Variants in NUCB2 observed in about 807,000 individuals in gnomAD.
The protein encoded by NUCB2 is nucleobindin-2.
A neutral mutation model predicts 57.9 loss-of-function variants in NUCB2; 48 were observed. That is an observed-to-expected ratio of 0.83 (90% CI 0.66 to 1.05). The LOEUF is 1.05. NUCB2 is among the 50% of genes least tolerant of loss of function. The probability of loss-of-function intolerance (pLI) is 0.00; values close to 1 mark genes in which losing one functional copy is unlikely to be tolerated. For missense variants in NUCB2, 442 were observed against 476.2 expected (o/e 0.93, Z 0.67); for synonymous variants, 139 against 152.1 (o/e 0.91, Z 0.64).
In NUCB2 at chr11:17,285,341, G is replaced by A. The variant is rs533663756; in HGVS notation, c.-1+2398G>A. 2.0e-4 allele frequency among the ~76,000 whole-genome samples: 31 copies of A among 151,916 alleles called. No individual in the cohort carries two copies. In the South Asian group the frequency reaches 6.3e-3, roughly 31 times the overall value. ...TATAATCCCAGCACTTTGGGAGGCC[G>A]AGGCGGGCGGATCACGAGGTCAAGA... On this transcript the variant is annotated intron_variant, in intron 2 of 13. Transcript: ENST00000529010.
intron 5 of NUCB2, among the ~76,000 whole-genome samples, chr11:17,302,738 A>ATTT (rs374768656): frequency 1.5e-5 from 2 of 137,536 alleles, no homozygotes; most frequent in Non-Finnish European, 1.6e-5. Context: ...TGCCCTGCTA[A>ATTT]TTTTTTTTTT....
chr11:17,349,949 G>T (rs987675080), exon 3 of NUCB2: 1 of 152,174 alleles, frequency 6.6e-6, no homozygotes, highest in African/African-American at 2.4e-5. Context: ...CACCAATAAA[G>T]AACACAGAAA....
At chr11:17,302,797 T>C (rs1946969527) in intron 5 of NUCB2, among the ~76,000 whole-genome samples, 1 of 151,506 alleles carries the variant, frequency 6.6e-6, no homozygotes, top group Admixed American at 6.6e-5. Flanking sequence ...TGGAGTGCAG[T>C]GGCGTGATCT....
chr11:17,277,031 C>T (rs1364987334), intron 1 of NUCB2: 1 of 152,394 alleles, frequency 6.6e-6, no homozygotes, highest in Admixed American at 6.5e-5. Flanking sequence ...CCACTCGCAG[C>T]TGGGCACCCG....
chr11:17,317,015 C>A (rs1418228643), intron 11 of NUCB2, among the ~76,000 whole-genome samples: 1 of 152,100 alleles, frequency 6.6e-6, no homozygotes, highest in Non-Finnish European at 1.5e-5. Context: ...TGTTTCTTGA[C>A]TTTGGTGAAG....
chr11:17,331,356 A>G (rs1951387774), intron 13 of NUCB2, 56 bp from the exon 14 acceptor site: 2 of 1,059,370 alleles, frequency 1.9e-6, no homozygotes, highest in Non-Finnish European at 2.6e-6. Context: ...ATGAAGGAAC[A>G]TTTAGAATAA....
At chr11:17,325,198 C>A (rs1950524677) in intron 11 of NUCB2, among the ~76,000 whole-genome samples, 1 of 152,140 alleles carries the variant, frequency 6.6e-6, no homozygotes, top group Non-Finnish European at 1.5e-5. Context: ...TCTATTAGAT[C>A]CATTTGATCT....
At chr11:17,307,286 A>AAC (rs1947819737) in intron 5 of NUCB2, among the ~76,000 whole-genome samples, 4 of 151,932 alleles carry the variant, frequency 2.6e-5, no homozygotes, top group Admixed American at 6.6e-5. Flanking sequence ...AATGTCCCCT[A>AAC]ACACCATCCT....
intron 2 of NUCB2, chr11:17,283,516 G>A (rs1943097225): frequency 6.6e-6 from 1 of 152,188 alleles, no homozygotes; most frequent in Non-Finnish European, 1.5e-5. Context: ...AATTTGCCAT[G>A]GCAGAGATAT....
At chr11:17,322,587 C>T (rs1303531309) in intron 11 of NUCB2, among the ~76,000 whole-genome samples, 1 of 152,026 alleles carries the variant, frequency 6.6e-6, no homozygotes, top group African/African-American at 2.4e-5. Context: ...GTTTCACATA[C>T]ATTTTAGGAT....
intron 11 of NUCB2, among the ~76,000 whole-genome samples, chr11:17,326,105 A>G (rs1189791431): frequency 6.6e-6 from 1 of 151,088 alleles, no homozygotes; most frequent in African/African-American, 2.4e-5. Context: ...GGTTCAAGTG[A>G]TTCTCATGCC....
intron 2 of NUCB2, among the ~76,000 whole-genome samples, chr11:17,285,035 A>G (rs1943395551): frequency 6.6e-6 from 1 of 152,174 alleles, no homozygotes; most frequent in Admixed American, 6.6e-5. Flanking sequence ...ACATACATAC[A>G]TACATACTTA....
chr11:17,285,166 G>T (rs369201168), intron 2 of NUCB2, among the ~76,000 whole-genome samples: 4 of 152,024 alleles, frequency 2.6e-5, no homozygotes, highest in African/African-American at 7.2e-5. Flanking sequence ...GGTGGCTCAT[G>T]CCTGTAATCC....
chr11:17,311,420 T>C, intron 8 of NUCB2, 137 bp downstream of exon 8: 1 of 619,996 alleles, frequency 1.6e-6, no homozygotes, highest in Non-Finnish European at 2.7e-6. Context: ...TAGGGTAATA[T>C]GATAGTCTTT....
At chr11:17,339,973 T>G (rs930899002) in intron 2 of NUCB2, among the ~76,000 whole-genome samples, 13 of 152,190 alleles carry the variant, frequency 8.5e-5, no homozygotes, top group African/African-American at 3.1e-4. Flanking sequence ...CCACCAACAG[T>G]GTAAAAGTGT....
chr11:17,330,114 T>C lies in NUCB2; in HGVS notation c.1003-13T>C. ...GTTTTGAGATTATTCTTTCCTCATT[T>C]TTTTTCTTTTAGACATTAGATCAGC... On this transcript the variant is annotated splice_polypyrimidine_tract_variant and intron_variant, in intron 11 of 13. Transcript: ENST00000529010. The surrounding 1 kb of genome is among the most constrained non-coding windows in gnomAD (Gnocchi z 4.3). The C allele has an allele frequency of 7.3e-7, 1 of 1,367,066 alleles. No individual in the cohort carries two copies. The highest frequency in any genetic ancestry group is 1.0e-6 in the Non-Finnish European group (1 of 993,198). 84.7% of individuals were successfully genotyped at this position (1,367,066 alleles called of 1,614,324 possible).
At chr11:17,303,001 G>A (rs946195439) in intron 5 of NUCB2, among the ~76,000 whole-genome samples, 3 of 152,162 alleles carry the variant, frequency 2.0e-5, no homozygotes, top group African/African-American at 7.2e-5. Flanking sequence ...GCCTCCCAAA[G>A]TGCTGGGATT....
At chr11:17,327,673 ATTCT>A (rs1950868323) in intron 11 of NUCB2, among the ~76,000 whole-genome samples, 1 of 152,070 alleles carries the variant, frequency 6.6e-6, no homozygotes. Context: ...AAGCTCAGTA[ATTCT>A]TTCTTATACT....
Position 17,310,902 on chromosome 11 carries a change from AAGG to A in NUCB2, c.564_566del (p.Arg189del), listed in dbSNP as rs767717470. ...AATATGAAATGATGAAGGAACATGA[AAGG>A]AGAGAATATTTAAAAACATTGAATG... On this transcript the variant is annotated inframe_deletion, in exon 7 of 14. Transcript: ENST00000529010. The A allele has an allele frequency of 6.3e-7, 1 of 1,595,444 alleles. No individual in the cohort carries two copies. Among genetic ancestry groups the A allele is most frequent in the East Asian group, 2.2e-5 (1 of 44,564 alleles).
Sources: allele counts gnomAD v4.1 joint callset (sites outside exome capture counted in the v4.1 genomes callset), GRCh38; gene constraint gnomAD v4.1.1; non-coding constraint Gnocchi (gnomAD v3.1); transcripts MANE v1.5; gene names NCBI Gene and HGNC (gene_info 2026-07-23, HGNC 2026-07-21).